The following ARL13B variants were observed in gnomAD, a reference collection of about 807,000 sequenced individuals.
The protein encoded by ARL13B is ADP-ribosylation factor-like protein 13B.
Under a neutral mutation model 56.1 loss-of-function variants are expected in ARL13B, and 36 were observed. The observed-to-expected ratio is 0.64, with a 90% confidence interval of 0.49 to 0.85. The LOEUF (loss-of-function observed/expected upper bound fraction) is 0.85. Among genes scored for constraint, ARL13B ranks in the 40% least tolerant of loss-of-function variants. The pLI is 0.00. For missense variants in ARL13B, 519 were observed against 507.1 expected (o/e 1.02, Z -0.23); for synonymous variants, 178 against 171.1 (o/e 1.04, Z -0.32).
rs202221552 is a variant in ARL13B at position 94,053,177 on chromosome 3, C to T, written c.1211-10C>T. On this transcript the variant is annotated splice_polypyrimidine_tract_variant and intron_variant, in intron 9 of 9. Coordinates refer to ENST00000394222, the MANE Select transcript of ARL13B (RefSeq NM_001174150.2). ...CTGTTTTGTGCATTTGGTTTTCTTT[C>T]TTTTCTTAGATTTCTATAGGAAGCC... 6.2e-7 allele frequency: 1 copy of T among 1,608,934 alleles called. No individual in the cohort carries two copies.
At chr3:93,994,102 A>G (rs2075923830) in intron 1 of ARL13B, among the ~76,000 whole-genome samples, 1 of 152,224 alleles carries the variant, frequency 6.6e-6, no homozygotes, top group Non-Finnish European at 1.5e-5. Flanking sequence ...TTTTACTCAT[A>G]GTAGAAGTCA....
At chr3:94,009,074 A>AAGTT (rs2076179470) in intron 3 of ARL13B, among the ~76,000 whole-genome samples, 1 of 143,868 alleles carries the variant, frequency 7.0e-6, no homozygotes, top group African/African-American at 2.6e-5. Flanking sequence ...AGGAGCAGTA[A>AAGTT]AGATAGATAG....
intron 2 of ARL13B, 104 bp downstream of exon 2, chr3:93,996,048 T>C: frequency 8.9e-7 from 1 of 1,118,316 alleles, no homozygotes; most frequent in East Asian, 2.6e-5. Context: ...ACAGATACTG[T>C]GCACTGCATT....
intron 8 of ARL13B, among the ~76,000 whole-genome samples, chr3:94,050,006 A>G (rs2077044447): frequency 6.6e-6 from 1 of 151,100 alleles, no homozygotes; most frequent in Admixed American, 6.6e-5. Flanking sequence ...CAAAAAAAAA[A>G]AAAAAAAATT....
chr3:94,007,759 A>G lies in ARL13B; in HGVS notation c.380+3851A>G, dbSNP rs115842610. Reference sequence around the variant, plus strand: ...TTGGGTGGTGACACAGAGGTAAACCATATCAGCCAGATTTTACTTGATGTC... The same window carrying G: ...TTGGGTGGTGACACAGAGGTAAACCGTATCAGCCAGATTTTACTTGATGTC... On this transcript the variant is annotated intron_variant, in intron 3 of 9. Coordinates refer to ENST00000394222, the MANE Select transcript of ARL13B (RefSeq NM_001174150.2). 1.2e-3 allele frequency among the ~76,000 whole-genome samples: 182 copies of G among 152,306 alleles called. 1 individual carries two copies. The highest frequency in any genetic ancestry group is 2.2e-3 in the Non-Finnish European group (153 of 68,018).
At chr3:93,987,174 A>G (rs930380226) in intron 1 of ARL13B, among the ~76,000 whole-genome samples, 2 of 151,396 alleles carry the variant, frequency 1.3e-5, no homozygotes, top group African/African-American at 4.9e-5. Flanking sequence ...TTTTTTTTAA[A>G]TAGAGACAGG....
rs1483386533 is a variant in ARL13B at position 94,055,368 on chromosome 3, AAC to A, written c.*2107_*2108del. 1.4e-5 allele frequency: 6 copies of A among 442,032 alleles called. No individual in the cohort carries two copies. The highest frequency in any genetic ancestry group is 2.3e-5 in the Non-Finnish European group (5 of 219,854). 27.4% of individuals were successfully genotyped at this position (442,032 alleles called of 1,614,324 possible). A position where few individuals can be genotyped will look rare whatever the true frequency, so the allele number is the denominator to read the frequency against. On this transcript the variant is annotated 3_prime_UTR_variant, in exon 10 of 10. Transcript: ENST00000394222. The stretch of plus-strand genomic sequence containing the variant: ...AGATTTTAAAATATGATTATTGAAA[AAC>A]AGTTTAAATCAGTAGATTAAAATAA...
At chr3:94,048,009 C>A (rs911972058) in intron 7 of ARL13B, 9 of 151,724 alleles carry the variant, frequency 5.9e-5, no homozygotes, top group Admixed American at 2.0e-4. Flanking sequence ...GACACACACA[C>A]ACACACACAC....
intron 1 of ARL13B, among the ~76,000 whole-genome samples, chr3:93,990,204 C>T (rs910969272): frequency 1.3e-5 from 2 of 152,040 alleles, no homozygotes; most frequent in Admixed American, 6.5e-5. Flanking sequence ...GATGGAGTTT[C>T]ACCATGTGGG....
At chr3:93,995,809 G>T in intron 1 of ARL13B, 65 bp from the exon 2 acceptor site, 1 of 1,384,170 alleles carries the variant, frequency 7.2e-7, no homozygotes, top group Non-Finnish European at 1.0e-6. Flanking sequence ...TAATGAATTT[G>T]CATTTATTTT....
At chr3:94,023,362 C>G (rs567262104) in intron 3 of ARL13B, among the ~76,000 whole-genome samples, 114 of 151,878 alleles carry the variant, frequency 7.5e-4, no homozygotes, top group African/African-American at 2.7e-3. Context: ...AATTCTTGAC[C>G]TTTTTTTCAT....
intron 6 of ARL13B, among the ~76,000 whole-genome samples, chr3:94,041,841 G>A (rs1483906067): frequency 2.6e-5 from 4 of 152,082 alleles, no homozygotes; most frequent in South Asian, 2.1e-4. Context: ...TTGGGAGGCC[G>A]AGGTGGTTGG....
In ARL13B at chr3:94,043,055, T is replaced by C. The variant is rs876661075; in HGVS notation, c.839T>C (p.Met280Thr). The change falls in exon 7 of 10, where the codon ATG becomes ACG. Residue 280 changes from methionine (M) to threonine (T), a missense_variant. Met to Thr is a moderately conservative substitution (Grantham distance 81). Coordinates refer to ENST00000394222, the MANE Select transcript of ARL13B (RefSeq NM_001174150.2). ...GAAAGAGAGAAAAAAAACCAAAAAA[T>C]GGAGAAAGACAGTGATGGCTGCCAC... ...KLEREKKNQK[M>T]EKDSDGCHLK... is the part of the protein sequence containing the mutation. The C allele has an allele frequency of 1.9e-6, 3 of 1,611,460 alleles. No individual in the cohort carries two copies. The highest frequency in any genetic ancestry group is 1.7e-4 in the Middle Eastern group (1 of 6,050).
Position 94,054,115 on chromosome 3 carries a change from A to C in ARL13B, c.*852A>C, listed in dbSNP as rs987234227. The C allele has an allele frequency of 2.2e-6, 1 of 452,876 alleles. No homozygotes were observed. Among genetic ancestry groups the C allele is most frequent in the African/African-American group, 2.0e-5 (1 of 49,984 alleles). The allele number at this position is 452,876 out of a possible 1,614,324, so 28.1% of individuals were successfully genotyped here. A position where few individuals can be genotyped will look rare whatever the true frequency, so the allele number is the denominator to read the frequency against. ...TAAAGGTTAGACACTTTCAGAGATC[A>C]AGGTGCTCCCTATACTCCCTTGTTC... On this transcript the variant is annotated 3_prime_UTR_variant, in exon 10 of 10. Coordinates refer to ENST00000394222, the MANE Select transcript of ARL13B (RefSeq NM_001174150.2).
chr3:93,981,028 A>G (rs1710189744), intron 1 of ARL13B, among the ~76,000 whole-genome samples: 2 of 152,242 alleles, frequency 1.3e-5, no homozygotes, highest in Admixed American at 1.3e-4. Flanking sequence ...GTATTCAATG[A>G]GAACAAGTGA....
rs190739518 is a variant in ARL13B, at chr3:94,023,445, T to C, written c.381-11886T>C. ...TTGATGCATTTATTTGGTAAACATA[T>C]AGTTGGTCTTTTCAACCTAGAAACT... On this transcript the variant is annotated intron_variant, in intron 3 of 9. Transcript: ENST00000394222. Among the ~76,000 whole-genome samples, 327 of 152,252 alleles carry C rather than the reference T, an allele frequency of 2.1e-3. 2 individuals carry two copies. The highest frequency in any genetic ancestry group is 7.7e-3 in the African/African-American group (320 of 41,576).
intron 7 of ARL13B, among the ~76,000 whole-genome samples, chr3:94,043,975 TG>T (rs2076924594): frequency 6.6e-6 from 1 of 151,908 alleles, no homozygotes; most frequent in Admixed American, 6.6e-5. Context: ...TTGCTCAGGC[TG>T]GAGTGCAGTG....
chr3:94,032,689 G>A (rs2076697222), intron 3 of ARL13B, among the ~76,000 whole-genome samples: 1 of 151,928 alleles, frequency 6.6e-6, no homozygotes, highest in South Asian at 2.1e-4. Context: ...GTAGAGATGG[G>A]GTTTCACCGT....
chr3:93,998,211 C>T (rs908289678), intron 2 of ARL13B, among the ~76,000 whole-genome samples: 6 of 152,182 alleles, frequency 3.9e-5, no homozygotes, highest in African/African-American at 1.2e-4. Flanking sequence ...CTTCTTCTAA[C>T]CTTCTTTTAT....
Sources: gnomAD v4.1 joint callset for allele counts (sites outside exome capture counted in the v4.1 genomes callset) on GRCh38, gnomAD v4.1.1 for gene constraint, MANE v1.5 for transcripts, NCBI Gene and HGNC (gene_info 2026-07-23, HGNC 2026-07-21) for gene names.